TBCCD1: variants seen among roughly 807,000 people sequenced by gnomAD.
The protein encoded by TBCCD1 is TBCC domain-containing protein 1.
A neutral mutation model predicts 53.4 loss-of-function variants in TBCCD1; 26 were observed. The observed-to-expected ratio is 0.49, with a 90% CI of 0.36 to 0.68. The LOEUF is 0.68. Ranked by LOEUF, TBCCD1 falls within the 30% of genes least tolerant of loss-of-function variation. TBCCD1 has a pLI of 0.00. For missense variants in TBCCD1, 558 were observed against 669.5 expected (o/e 0.83, Z 1.84); for synonymous variants, 245 against 241.7 (o/e 1.01, Z -0.13).
Position 186,547,390 on chromosome 3 carries a change from G to C in TBCCD1, c.*22-435C>G, listed in dbSNP as rs148676892. ...CTCCAGTCTGTGTCCAGAGTAGCTG[G>C]GATTACAGGCATGTGCCACCATGCT... On this transcript the variant is annotated intron_variant, in intron 7 of 7. Transcript: ENST00000338733. Among the ~76,000 whole-genome samples, 4 of 151,662 alleles carry C rather than the reference G, an allele frequency of 2.6e-5. No homozygotes were observed. The East Asian group carries it at 7.8e-4, about 29-fold the overall frequency.
At position 186,556,688 on chromosome 3, in the gene TBCCD1, C is replaced by A. The variant is rs748157093; in HGVS notation, c.580G>T (p.Ala194Ser). The A allele has an allele frequency of 6.2e-7, 1 of 1,614,098 alleles. No homozygotes were observed. Among genetic ancestry groups the A allele is most frequent in the Admixed American group, 1.7e-5 (1 of 60,020 alleles). Residue 194 changes from alanine (A) to serine (S), a missense_variant, in exon 4 of 8, where the codon GCA becomes TCA. Transcript: ENST00000338733. ...CTACTATGGGTTGAATGAAATGATG[C>A]AGTGAGTTGTTTTGGATCTAAAAGC... ...ELLLDPKQLT[A>S]SFHSTHSSLV...
intron 6 of TBCCD1, among the ~76,000 whole-genome samples, chr3:186,552,371 A>C (rs1578965414): frequency 6.6e-6 from 1 of 152,176 alleles, no homozygotes; most frequent in Admixed American, 6.5e-5. Context: ...TGTTGAACAT[A>C]AACAATACCT....
chr3:186,554,132 G>A, intron 6 of TBCCD1, 122 bp downstream of exon 6: 1 of 1,396,012 alleles, frequency 7.2e-7, no homozygotes, highest in Non-Finnish European at 9.7e-7. Context: ...ATAGGCGTGA[G>A]CCACCGCGCC....
At chr3:186,559,774 A>G (rs7619295) in intron 2 of TBCCD1, among the ~76,000 whole-genome samples, 59,173 of 152,090 alleles carry the variant, frequency 0.39, 12,962 homozygotes, top group East Asian at 0.72. Flanking sequence ...GAGAATTCAC[A>G]CAGAAAGATC....
At chr3:186,550,158 C>G (rs929602073) in intron 7 of TBCCD1, among the ~76,000 whole-genome samples, 1 of 142,752 alleles carries the variant, frequency 7.0e-6, no homozygotes, top group Non-Finnish European at 1.5e-5. Context: ...ACCGGGGGAG[C>G]GGAGCTTGCA....
intron 2 of TBCCD1, among the ~76,000 whole-genome samples, chr3:186,561,977 T>C (rs1305316792): frequency 1.3e-5 from 2 of 152,130 alleles, no homozygotes; most frequent in South Asian, 2.1e-4. Context: ...AGCCTAAATG[T>C]CCACAGATGG....
intron 7 of TBCCD1, among the ~76,000 whole-genome samples, chr3:186,548,031 G>T (rs1045443429): frequency 1.3e-5 from 2 of 152,304 alleles, no homozygotes; most frequent in Admixed American, 1.3e-4. Flanking sequence ...ATATATCCAT[G>T]AGAAATAAAA....
intron 2 of TBCCD1, among the ~76,000 whole-genome samples, chr3:186,560,631 C>T (rs76522960): frequency 0.015 from 2,309 of 152,310 alleles, 58 homozygotes; most frequent in African/African-American, 0.053. Context: ...TTTACTATTG[C>T]TCACTTTCAA....
chr3:186,549,126 A>G (rs1210331600), intron 7 of TBCCD1, among the ~76,000 whole-genome samples: 1 of 151,816 alleles, frequency 6.6e-6, no homozygotes, highest in Non-Finnish European at 1.5e-5. Context: ...CGTCTCTACT[A>G]AAAATACAAA....
chr3:186,550,802 G>A (rs781641198), intron 7 of TBCCD1, among the ~76,000 whole-genome samples: 3 of 152,144 alleles, frequency 2.0e-5, no homozygotes, highest in Non-Finnish European at 4.4e-5. Flanking sequence ...TGGATAAGAG[G>A]AAAGGTTTAG....
upstream of TBCCD1, among the ~76,000 whole-genome samples, chr3:186,569,623 C>CT (rs370706242): frequency 0.26 from 34,889 of 133,954 alleles, 5,511 homozygotes; most frequent in African/African-American, 0.46. Flanking sequence ...CGCGCCCGGG[C>CT]TTTTTTTTTT....
upstream of TBCCD1, chr3:186,570,055 T>C: frequency 1.5e-6 from 1 of 666,366 alleles, no homozygotes; most frequent in Non-Finnish European, 2.7e-6. Context: ...CTCAGTTTTG[T>C]TGATAAACTT....
chr3:186,560,216 A>T (rs966259576), intron 2 of TBCCD1, among the ~76,000 whole-genome samples: 1 of 152,196 alleles, frequency 6.6e-6, no homozygotes, highest in Admixed American at 6.5e-5. Flanking sequence ...CACTCAAAAA[A>T]TCTGGAACTT....
At chr3:186,554,123 T>C (rs1055627171) in intron 6 of TBCCD1, 131 bp downstream of exon 6, 20 of 1,288,418 alleles carry the variant, frequency 1.6e-5, no homozygotes, top group Middle Eastern at 2.7e-4. Context: ...GCTGGGATTA[T>C]AGGCGTGAGC....
At chr3:186,561,332 C>A (rs375661289) in intron 2 of TBCCD1, among the ~76,000 whole-genome samples, 13 of 152,068 alleles carry the variant, frequency 8.5e-5, no homozygotes, top group African/African-American at 2.9e-4. Context: ...AACAGGTATA[C>A]GAAAAGGTGC....
chr3:186,558,277 T>A, intron 3 of TBCCD1, 140 bp downstream of exon 3: 1 of 1,105,112 alleles, frequency 9.0e-7, no homozygotes, highest in Admixed American at 2.5e-5. Flanking sequence ...GTTTTATAAT[T>A]TAAAAAAAAA....
In TBCCD1 at chr3:186,564,200, C is replaced by G; in HGVS notation, c.130G>C (p.Ala44Pro). ...AGGCGCGGGTAAGCTCCTTCTGTGG[C>G]CCGGATTTGCACATAGGTGGATATC... ...RKISTYVQIR[A>P]TEGAYPRLYW... Residue 44 changes from alanine to proline, a missense_variant, in exon 2 of 8, where the codon GCC becomes CCC. Ala to Pro is a conservative substitution (Grantham distance 27). Transcript: ENST00000338733. 6.2e-7 allele frequency: 1 copy of G among 1,614,170 alleles called. No homozygotes were observed. Among genetic ancestry groups the G allele is most frequent in the East Asian group, 2.2e-5 (1 of 44,884 alleles).
intron 6 of TBCCD1, chr3:186,553,256 C>T (rs1714430044): frequency 6.6e-6 from 1 of 152,222 alleles, no homozygotes; most frequent in Non-Finnish European, 1.5e-5. Flanking sequence ...AGAATCTAAG[C>T]ACTTCATCGT....
chr3:186,568,535 TGAACA>T (rs1714901458), upstream of TBCCD1, among the ~76,000 whole-genome samples: 2 of 152,206 alleles, frequency 1.3e-5, no homozygotes, highest in African/African-American at 4.8e-5. Context: ...TATACAGCTG[TGAACA>T]GAACAATATA....
Sources: gnomAD v4.1 joint callset for allele counts (sites outside exome capture counted in the v4.1 genomes callset) on GRCh38, gnomAD v4.1.1 for gene constraint, MANE v1.5 for transcripts, NCBI Gene and HGNC (gene_info 2026-07-23, HGNC 2026-07-21) for gene names.